TSPOAP1: variants seen among roughly 807,000 people sequenced by gnomAD.
The protein encoded by TSPOAP1 is peripheral-type benzodiazepine receptor-associated protein 1.
Under a neutral mutation model 197.0 loss-of-function variants are expected in TSPOAP1, and 87 were observed. The observed-to-expected ratio is 0.44, with a 90% confidence interval of 0.37 to 0.53. The LOEUF (loss-of-function observed/expected upper bound fraction) is 0.53, where lower values mean the gene tolerates loss of function less well. Among genes scored for constraint, TSPOAP1 ranks in the 20% least tolerant of loss-of-function variants. The pLI is 0.00. For missense variants in TSPOAP1, 2,174 were observed against 2,411.3 expected (o/e 0.90, Z 2.06); for synonymous variants, 913 against 998.9 (o/e 0.91, Z 1.62).
At chr17:58,316,370 C>T in intron 15 of TSPOAP1, 55 bp downstream of exon 15, 1 of 1,511,544 alleles carries the variant, frequency 6.6e-7, no homozygotes. Context: ...CCGGCCCCCT[C>T]CTATACCCCA....
At chr17:58,320,412 T>G in intron 11 of TSPOAP1, 119 bp downstream of exon 11, 2 of 1,228,400 alleles carry the variant, frequency 1.6e-6, no homozygotes, top group South Asian at 1.6e-5. Context: ...TCCTGGAGCA[T>G]TTAAGGGCCC....
At chr17:58,313,001 C>A (rs890039198) in intron 16 of TSPOAP1, among the ~76,000 whole-genome samples, 1 of 152,200 alleles carries the variant, frequency 6.6e-6, no homozygotes, top group Non-Finnish European at 1.5e-5. Flanking sequence ...CAGATTCTAA[C>A]TCGGTTGGGT....
In TSPOAP1 at chr17:58,302,309, TC is replaced by T. The variant is rs900259493; in HGVS notation, c.*170del. On this transcript the variant is annotated 3_prime_UTR_variant, in exon 32 of 32. Transcript: ENST00000343736. The stretch of plus-strand genomic sequence containing the variant: ...GAGCCCAGCCTCCTGAGGAGCTGCT[TC>T]CCCTTGGAGAAGAAACCCCACACCT... The T allele has an allele frequency of 4.7e-6, 6 of 1,289,374 alleles. No individual in the cohort carries two copies. Among genetic ancestry groups the T allele is most frequent in the African/African-American group, 3.0e-5 (2 of 65,840 alleles). 79.9% of individuals were successfully genotyped at this position (1,289,374 alleles called of 1,614,324 possible). A position where few individuals can be genotyped will look rare whatever the true frequency, so the allele number is the denominator to read the frequency against.
rs918241184 is a variant in TSPOAP1 at position 58,305,569 on chromosome 17, G to T, written c.5332C>A (p.Gln1778Lys). 2 of 1,588,310 alleles carry T rather than the reference G, an allele frequency of 1.3e-6. No homozygotes were observed. The highest frequency in any genetic ancestry group is 1.7e-6 in the Non-Finnish European group (2 of 1,167,268). The change falls in exon 28 of 32, where the codon CAG becomes AAG. Residue 1778 changes from glutamine to lysine, a missense_variant. Around this residue, in one of 5 missense-constraint regions of TSPOAP1, gnomAD observed 161 missense variants for 159.1 expected, o/e 1.01. Transcript: ENST00000343736. ...SMVAAFDYNP[Q>K]ESSPNMDVEA... ...ACGTCCATATTGGGGGAACTCTCCT[G>T]GGGGTTGTAGTCAAATGCAGCCACC...
chr17:58,328,512 G>A lies in TSPOAP1; in HGVS notation c.-592C>T, dbSNP rs967661456. ...TCGTTGTGTGTCTGTCAGTGTCTGT[G>A]GGTCTGGCCGTCTGTCGCAACCCCT... On this transcript the variant is annotated 5_prime_UTR_variant, in exon 1 of 32. Coordinates refer to ENST00000343736, the MANE Select transcript of TSPOAP1 (RefSeq NM_004758.4). This position sits in a 1 kb window ranked among gnomAD's most constrained non-coding sequence, Gnocchi z 4.3. 4 of 154,434 alleles carry A rather than the reference G, an allele frequency of 2.6e-5. No individual in the cohort carries two copies. The highest frequency in any genetic ancestry group is 9.7e-5 in the African/African-American group (4 of 41,416). The allele number at this position is 154,434 out of a possible 1,614,324, so 9.6% of individuals were successfully genotyped here.
chr17:58,315,463 T>C (rs1971199579), intron 16 of TSPOAP1, among the ~76,000 whole-genome samples: 1 of 152,208 alleles, frequency 6.6e-6, no homozygotes, highest in Non-Finnish European at 1.5e-5. Flanking sequence ...TAGTGCCCAG[T>C]CTCAATGAGG....
chr17:58,321,217 C>T (rs1971395563), intron 10 of TSPOAP1, among the ~76,000 whole-genome samples: 1 of 152,130 alleles, frequency 6.6e-6, no homozygotes, highest in African/African-American at 2.4e-5. Flanking sequence ...GTATGAAGAG[C>T]CCCACCCTCC....
chr17:58,327,468 A>G, intron 1 of TSPOAP1, 120 bp downstream of exon 1: 1 of 959,260 alleles, frequency 1.0e-6, no homozygotes, highest in East Asian at 2.5e-5. Context: ...ACCCACAGAC[A>G]GGCCAAGAGA....
chr17:58,311,547 AG>A, intron 18 of TSPOAP1, 23 bp downstream of exon 18: 1 of 1,533,716 alleles, frequency 6.5e-7, no homozygotes, highest in Non-Finnish European at 8.8e-7. Context: ...CCCCACTCCC[AG>A]GGTACAGTGG....
rs2680691 is a variant in TSPOAP1, at chr17:58,328,497, T to C, written c.-577A>G. 0.13 allele frequency: 19,552 copies of C among 155,304 alleles called. 1,554 individuals carry two copies. Among genetic ancestry groups the C allele is most frequent in the Non-Finnish European group, 0.18 (12,383 of 69,712 alleles). 9.6% of individuals were successfully genotyped at this position (155,304 alleles called of 1,614,324 possible). ...CTGTGTGCATCGGTGTCGTTGTGTGTCTGTCAGTGTCTGTGGGTCTGGCCG... is the reference window on the plus strand; with the variant it reads ...CTGTGTGCATCGGTGTCGTTGTGTGCCTGTCAGTGTCTGTGGGTCTGGCCG... On this transcript the variant is annotated 5_prime_UTR_variant, in exon 1 of 32. Transcript: ENST00000343736. The surrounding 1 kb of genome is among the most constrained non-coding windows in gnomAD (Gnocchi z 4.3).
At position 58,322,938 on chromosome 17, in the gene TSPOAP1, C is replaced by G; in HGVS notation, c.1194+12G>C. On this transcript the variant is annotated intron_variant, in intron 8 of 31. Coordinates refer to ENST00000343736, the MANE Select transcript of TSPOAP1 (RefSeq NM_004758.4). This position sits in a 1 kb window ranked among gnomAD's most constrained non-coding sequence, Gnocchi z 5.0. The stretch of plus-strand genomic sequence containing the variant: ...AGCACAGGTCTCCACAGCACCTGGG[C>G]GGAAGTGGTACCTGCTCCTTCTCTG... 1.2e-6 allele frequency: 2 copies of G among 1,607,638 alleles called. No homozygotes were observed. The highest frequency in any genetic ancestry group is 2.2e-5 in the South Asian group (2 of 90,104).
rs1157390280 is a variant in TSPOAP1 at position 58,309,143 on chromosome 17, G to C, written c.4129C>G (p.Pro1377Ala). 5.0e-6 allele frequency: 8 copies of C among 1,613,958 alleles called. No homozygotes were observed. The highest frequency in any genetic ancestry group is 6.8e-6 in the Non-Finnish European group (8 of 1,180,038). ...TCAGGAGACAAGGGACACTGGCCAG[G>C]TCTTCGGGGCTGACCACTGTCACAG... ...LGCDSGQPRR[P>A]GQCPLSPESS... Residue 1377 changes from proline (P) to alanine (A), a missense_variant, in exon 22 of 32, where the codon CCT becomes GCT. Around this residue, in one of 5 missense-constraint regions of TSPOAP1, gnomAD observed 1,933 missense variants for 2,139.0 expected, o/e 0.90. Coordinates refer to ENST00000343736, the MANE Select transcript of TSPOAP1 (RefSeq NM_004758.4). This position sits in a 1 kb window ranked among gnomAD's most constrained non-coding sequence, Gnocchi z 5.0.
Position 58,326,143 on chromosome 17 carries a change from G to T in TSPOAP1, c.570+150C>A. On this transcript the variant is annotated intron_variant, in intron 3 of 31. Coordinates refer to ENST00000343736, the MANE Select transcript of TSPOAP1 (RefSeq NM_004758.4). This position sits in a 1 kb window ranked among gnomAD's most constrained non-coding sequence, Gnocchi z 4.7. ...TGGCCTCCTTGCCTGGCCAGCCTCTGCCCTTCCTGCACCTTAGCCCCTAGA... is the reference window on the plus strand; with the variant it reads ...TGGCCTCCTTGCCTGGCCAGCCTCTTCCCTTCCTGCACCTTAGCCCCTAGA... The T allele has an allele frequency of 7.6e-7, 1 of 1,314,408 alleles. No individual in the cohort carries two copies. 81.4% of individuals were successfully genotyped at this position (1,314,408 alleles called of 1,614,324 possible).
At chr17:58,318,737 A>G (rs1971313692) in intron 13 of TSPOAP1, among the ~76,000 whole-genome samples, 1 of 152,086 alleles carries the variant, frequency 6.6e-6, no homozygotes, top group Non-Finnish European at 1.5e-5. Flanking sequence ...AATCACAGTG[A>G]CTGTCAAGTG....
In TSPOAP1 at chr17:58,301,980, C is replaced by T. The variant is rs774440710; in HGVS notation, c.*500G>A. 7 of 259,720 alleles carry T rather than the reference C, an allele frequency of 2.7e-5. No homozygotes were observed. The highest frequency in any genetic ancestry group is 5.3e-5 in the Non-Finnish European group (7 of 131,410). The allele number at this position is 259,720 out of a possible 1,614,324, so 16.1% of individuals were successfully genotyped here. On this transcript the variant is annotated 3_prime_UTR_variant, in exon 32 of 32. Coordinates refer to ENST00000343736, the MANE Select transcript of TSPOAP1 (RefSeq NM_004758.4). ...AGTAGACGAGGTGGGTGGACCAGGACGCGAGGGTCCTGGGTCCAGTCCTGG... is the reference window on the plus strand; with the variant it reads ...AGTAGACGAGGTGGGTGGACCAGGATGCGAGGGTCCTGGGTCCAGTCCTGG...
At chr17:58,303,014 T>A (rs1416012352) in intron 31 of TSPOAP1, 1 of 152,200 alleles carries the variant, frequency 6.6e-6, no homozygotes, top group Non-Finnish European at 1.5e-5. Flanking sequence ...TAAGGGCCCC[T>A]AAGAGGACTG....
Position 58,310,862 on chromosome 17 carries a change from C to T in TSPOAP1, c.3433G>A (p.Glu1145Lys), listed in dbSNP as rs764811208. ...TGGGAGCAAGGTGCTGGAGGGTCCT[C>T]GTGGGACCCTTTTGCCATCTCTCTG... ...PSREMAKGSH[E>K]DPPAPCSQEE... is the part of the protein sequence containing the mutation. The change falls in exon 19 of 32, where the codon GAG (glutamate) becomes AAG (lysine). Residue 1145 changes from glutamate (E) to lysine (K), a missense_variant. Transcript: ENST00000343736. 2.3e-5 allele frequency: 36 copies of T among 1,539,420 alleles called. No individual in the cohort carries two copies. The highest frequency in any genetic ancestry group is 8.7e-6 in the Non-Finnish European group (10 of 1,146,402).
At position 58,319,137 on chromosome 17, in the gene TSPOAP1, G is replaced by C. The variant is rs765571755; in HGVS notation, c.1652C>G (p.Pro551Arg). 41 of 1,550,486 alleles carry C rather than the reference G, an allele frequency of 2.6e-5. 1 individual carries two copies. In the Middle Eastern group the frequency reaches 3.3e-3, roughly 127 times the overall value. ...AGGCTGGGGAATGGAGCAGCAGCAG[G>C]GGGGTGGTGGGCAGTCTCCAAGGCT... ...CGSLGDCPPP[P>R]CCCSIPQPCR... Residue 551 changes from proline (P) to arginine (R), a missense_variant, in exon 13 of 32, where the codon CCC becomes CGC. By Grantham distance (103) the Pro-to-Arg change is moderately radical. This residue lies in a region of TSPOAP1 where 1,933 missense variants were observed against 2,139.0 expected (regional missense o/e 0.90). Transcript: ENST00000343736.
At position 58,319,087 on chromosome 17, in the gene TSPOAP1, T is replaced by C; in HGVS notation, c.1699+3A>G. 2.6e-6 allele frequency: 4 copies of C among 1,524,854 alleles called. No homozygotes were observed. The highest frequency in any genetic ancestry group is 2.7e-6 in the Non-Finnish European group (3 of 1,128,764). 94.5% of individuals were successfully genotyped at this position (1,524,854 alleles called of 1,614,324 possible). On this transcript the variant is annotated splice_donor_region_variant and intron_variant, in intron 13 of 31. Transcript: ENST00000343736. ...AGGCCAATGCCACTGGGGTCCACCT[T>C]ACCTTTGGGGCCAGACCCCCGGCAA...
Sources: allele counts gnomAD v4.1 joint callset (sites outside exome capture counted in the v4.1 genomes callset), GRCh38; gene constraint gnomAD v4.1.1; regional missense constraint gnomAD v4.1.1; non-coding constraint Gnocchi (gnomAD v3.1); transcripts MANE v1.5; gene names NCBI Gene and HGNC (gene_info 2026-07-23, HGNC 2026-07-21).